Variants in SFRP4 observed in about 807,000 individuals in gnomAD.
SFRP4 encodes the protein secreted frizzled-related protein 4.
In SFRP4, 25 loss-of-function variants were observed where a neutral mutation model predicts 36.3. The observed-to-expected ratio is 0.69, with a 90% CI of 0.50 to 0.96. The LOEUF is 0.96. SFRP4 is among the 40% of genes least tolerant of loss of function. The pLI is 0.00. For missense variants in SFRP4, 487 were observed against 459.6 expected, an observed-to-expected ratio of 1.06 and a Z score of -0.54; for synonymous variants, 182 against 168.8, an observed-to-expected ratio of 1.08 and a Z score of -0.60.
chr7:37,913,683 G>A (rs2598113), intron 3 of SFRP4, among the ~76,000 whole-genome samples: 30,640 of 152,176 alleles, frequency 0.2, 3,402 homozygotes, highest in South Asian at 0.4. Context: ...AAACTAGTTC[G>A]ATAGTGTAAC....
chr7:37,912,163 C>T lies in SFRP4; in HGVS notation c.747G>A (p.Leu249=), dbSNP rs762742897. ...ACATGATGAGAACATCTTGATGGGGCAGGATGTGTGGACACTGGCAAGAAG... is the reference window on the plus strand; with the variant it reads ...ACATGATGAGAACATCTTGATGGGGTAGGATGTGTGGACACTGGCAAGAAG... The part of the protein sequence containing the change: ...TNSSCQCPHI[L]PHQDVLIMCY... The change falls in exon 4 of 6, where the codon CTG becomes CTA. Residue 249 remains leucine (L), a synonymous_variant. Coordinates refer to ENST00000436072, the MANE Select transcript of SFRP4 (RefSeq NM_003014.4). 144 of 1,614,010 alleles carry T rather than the reference C, an allele frequency of 8.9e-5. No individual in the cohort carries two copies. Among genetic ancestry groups the T allele is most frequent in the Non-Finnish European group, 1.1e-4 (135 of 1,180,026 alleles).
chr7:37,908,580 G>T (rs1018511590), intron 5 of SFRP4, among the ~76,000 whole-genome samples: 1 of 152,208 alleles, frequency 6.6e-6, no homozygotes, highest in Non-Finnish European at 1.5e-5. Context: ...AAAATATGCT[G>T]CCAAACTGAA....
intron 3 of SFRP4, among the ~76,000 whole-genome samples, chr7:37,912,773 G>A (rs78902380): frequency 0.01 from 1,589 of 152,290 alleles, 24 homozygotes; most frequent in African/African-American, 0.037. Flanking sequence ...GAACTGGAGG[G>A]AGTCTCTGAG....
Position 37,916,641 on chromosome 7 carries a change from G to C in SFRP4, c.-104C>G. On this transcript the variant is annotated 5_prime_UTR_variant, in exon 1 of 6. Coordinates refer to ENST00000436072, the MANE Select transcript of SFRP4 (RefSeq NM_003014.4). This position sits in a 1 kb window ranked among gnomAD's most constrained non-coding sequence, Gnocchi z 4.1. ...CTTCGCCGAGGAAGAAATCCTCTGGGGCGCAGGAGAGTTTCTTCCCCCAAA... is the reference window on the plus strand; with the variant it reads ...CTTCGCCGAGGAAGAAATCCTCTGGCGCGCAGGAGAGTTTCTTCCCCCAAA... 1 of 1,452,704 alleles carries C rather than the reference G, an allele frequency of 6.9e-7. No homozygotes were observed. Among genetic ancestry groups the C allele is most frequent in the Non-Finnish European group, 9.1e-7 (1 of 1,095,752 alleles). The allele number at this position is 1,452,704 out of a possible 1,614,324, so 90.0% of individuals were successfully genotyped here.
rs146253041 is a variant in SFRP4, at chr7:37,916,337, C to T, written c.201G>A (p.Val67=). 13 of 1,614,112 alleles carry T rather than the reference C, an allele frequency of 8.1e-6. No individual in the cohort carries two copies. The highest frequency in any genetic ancestry group is 1.6e-4 in the Middle Eastern group (1 of 6,084). The change falls in exon 1 of 6, where the codon GTG becomes GTA. Residue 67 remains valine (V), a synonymous_variant. Transcript: ENST00000436072. This position sits in a 1 kb window ranked among gnomAD's most constrained non-coding sequence, Gnocchi z 4.1. ...AIEQYEELVD[V]NCSAVLRFFL... is the part of the protein sequence containing the mutation. Reference sequence around the variant, plus strand: ...AGAAGCGCAGCACGGCGCTGCAGTTCACGTCCACCAGCTCCTCGTACTGCT... The same window carrying T: ...AGAAGCGCAGCACGGCGCTGCAGTTTACGTCCACCAGCTCCTCGTACTGCT...
At chr7:37,910,658 C>T (rs1485463128) in intron 4 of SFRP4, among the ~76,000 whole-genome samples, 1 of 151,710 alleles carries the variant, frequency 6.6e-6, no homozygotes, top group African/African-American at 2.4e-5. Flanking sequence ...TCTATTTAAT[C>T]CATTTGAAAG....
rs1785501149 is a variant in SFRP4 at position 37,912,241 on chromosome 7, G to A, written c.669C>T (p.Ile223=). The change falls in exon 4 of 6, where the codon ATC becomes ATT. Residue 223 remains isoleucine, a synonymous_variant. Coordinates refer to ENST00000436072, the MANE Select transcript of SFRP4 (RefSeq NM_003014.4). ...EVTTVVDVKE[I]FKSSSPIPRT... ...GAGGGATGGGTGATGAGGACTTGAA[G>A]ATCTCTTTTACATCCACCACCGTTG... 1 of 1,614,082 alleles carries A rather than the reference G, an allele frequency of 6.2e-7. No individual in the cohort carries two copies. The highest frequency in any genetic ancestry group is 8.5e-7 in the Non-Finnish European group (1 of 1,179,964).
chr7:37,915,784 C>T (rs576449618), intron 1 of SFRP4, among the ~76,000 whole-genome samples: 1 of 152,286 alleles, frequency 6.6e-6, no homozygotes, highest in South Asian at 2.1e-4. Flanking sequence ...CTTGCTCAGA[C>T]ACCTAGCAAC....
chr7:37,912,078 T>G (rs1479275483), intron 4 of SFRP4, 41 bp downstream of exon 4: 4 of 1,480,682 alleles, frequency 2.7e-6, no homozygotes, highest in East Asian at 2.3e-5. Context: ...GAGGTCTTCC[T>G]AACAGTGTGC....
chr7:37,907,619 T>C lies in SFRP4; in HGVS notation c.901A>G (p.Lys301Glu), dbSNP rs1415557538. Residue 301 changes from lysine (K) to glutamate (E), a missense_variant, in exon 6 of 6, where the codon AAG becomes GAG. Physicochemically the swap from Lys to Glu is moderately conservative, Grantham distance 56. Coordinates refer to ENST00000436072, the MANE Select transcript of SFRP4 (RefSeq NM_003014.4). ...LQEQRRTVQDKKKTAGRTSRS... is the reference protein window; with the variant it reads ...LQEQRRTVQDEKKTAGRTSRS... Reference sequence around the variant, plus strand: ...CTGGTGCGCCCGGCTGTTTTCTTCTTGTCCTGAACTGTTCTCCGCTGTTCC... The same window carrying C: ...CTGGTGCGCCCGGCTGTTTTCTTCTCGTCCTGAACTGTTCTCCGCTGTTCC... The C allele has an allele frequency of 6.2e-7, 1 of 1,613,692 alleles. No individual in the cohort carries two copies. Among genetic ancestry groups the C allele is most frequent in the Non-Finnish European group, 8.5e-7 (1 of 1,179,904 alleles).
intron 4 of SFRP4, among the ~76,000 whole-genome samples, chr7:37,910,899 G>A (rs192873502): frequency 6.6e-6 from 1 of 152,158 alleles, no homozygotes; most frequent in East Asian, 1.9e-4. Flanking sequence ...CTTTACACCA[G>A]GTTTGCGGGT....
intron 5 of SFRP4, among the ~76,000 whole-genome samples, chr7:37,908,614 G>A (rs1316318421): frequency 6.6e-6 from 1 of 152,188 alleles, no homozygotes; most frequent in Non-Finnish European, 1.5e-5. Context: ...TATGATTATT[G>A]AATGCTTTCC....
chr7:37,916,483 C>T lies in SFRP4; in HGVS notation c.55G>A (p.Val19Met). The T allele has an allele frequency of 6.2e-7, 1 of 1,612,706 alleles. No homozygotes were observed. The highest frequency in any genetic ancestry group is 8.5e-7 in the Non-Finnish European group (1 of 1,179,526). Residue 19 changes from valine to methionine, a missense_variant, in exon 1 of 6, where the codon GTG becomes ATG. By Grantham distance (21) the Val-to-Met change is conservative (BLOSUM62 1). Transcript: ENST00000436072. This position sits in a 1 kb window ranked among gnomAD's most constrained non-coding sequence, Gnocchi z 4.1. ...ACCGCCTCGCAGGGCGCGCCGCGCA[C>T]GCCCAGCGCCAGGTGCAGCCACAGG... is the stretch of plus-strand genomic sequence containing the variant. ...LCLWLHLALGVRGAPCEAVRI... is the reference protein window; with the variant it reads ...LCLWLHLALGMRGAPCEAVRI...
rs959614305 is a variant in SFRP4 at position 37,914,138 on chromosome 7, A to C, written c.592+75T>G. ...CTTTACTTTGTGACTAGCTTTAGTG[A>C]GAGCGACCTTATTGAGATTCCAGCT... On this transcript the variant is annotated intron_variant, in intron 3 of 5. Transcript: ENST00000436072. 4.4e-6 allele frequency: 5 copies of C among 1,147,228 alleles called. No homozygotes were observed. The African/African-American group carries it at 7.7e-5, about 18-fold the overall frequency. The allele number at this position is 1,147,228 out of a possible 1,614,324, so 71.1% of individuals were successfully genotyped here.
rs78412203 is a variant in SFRP4 at position 37,914,351 on chromosome 7, C to T, written c.526+22G>A. The T allele has an allele frequency of 8.8e-5, 141 of 1,609,640 alleles. No homozygotes were observed. In the East Asian group the frequency reaches 2.4e-3, roughly 27 times the overall value. ...CTCTGGAGAGGAGAAGTAGAGGGAA[C>T]GTCCATGAAGAAAGAACTCACCGGG... On this transcript the variant is annotated intron_variant, in intron 2 of 5. Coordinates refer to ENST00000436072, the MANE Select transcript of SFRP4 (RefSeq NM_003014.4).
rs1242073699 is a variant in SFRP4 at position 37,907,433 on chromosome 7, C to T, written c.*46G>A. 1 of 1,556,308 alleles carries T rather than the reference C, an allele frequency of 6.4e-7. No homozygotes were observed. The highest frequency in any genetic ancestry group is 1.4e-5 in the African/African-American group (1 of 73,364). On this transcript the variant is annotated 3_prime_UTR_variant, in exon 6 of 6. Coordinates refer to ENST00000436072, the MANE Select transcript of SFRP4 (RefSeq NM_003014.4). ...GGCTGTCCCAGGCAATGCCCAGCCT[C>T]ATCCTGTAAGGAAGTCGGAAGTCTC...
intron 1 of SFRP4, among the ~76,000 whole-genome samples, chr7:37,915,158 T>C (rs75207622): frequency 0.021 from 3,254 of 152,326 alleles, 110 homozygotes; most frequent in African/African-American, 0.074. Flanking sequence ...CTACCTCATA[T>C]CTTGCAGTGC....
chr7:37,907,794 A>T, intron 5 of SFRP4, 130 bp from the exon 6 acceptor site: 1 of 624,528 alleles, frequency 1.6e-6, no homozygotes, highest in Non-Finnish European at 2.7e-6. Context: ...TAGCTACCCT[A>T]TGTGAAGCAC....
rs748375442 is a variant in SFRP4, at chr7:37,914,473, A to G, written c.446-20T>C. 1.6e-5 allele frequency: 26 copies of G among 1,597,224 alleles called. No homozygotes were observed. In the Admixed American group the frequency reaches 2.2e-4, roughly 13 times the overall value. ...TAACATCTGAAACACAAACAGGGCC[A>G]CATGGGCGTGGTTGGTGATTTGGTC... On this transcript the variant is annotated intron_variant, in intron 1 of 5. Coordinates refer to ENST00000436072, the MANE Select transcript of SFRP4 (RefSeq NM_003014.4).
Sources: gnomAD v4.1 joint callset for allele counts (sites outside exome capture counted in the v4.1 genomes callset) on GRCh38, gnomAD v4.1.1 for gene constraint, Gnocchi (gnomAD v3.1) non-coding constraint, MANE v1.5 for transcripts, NCBI Gene and HGNC (gene_info 2026-07-23, HGNC 2026-07-21) for gene names.